UNC5C: variants seen among roughly 807,000 people sequenced by gnomAD.
UNC5C encodes netrin receptor UNC5C.
A neutral mutation model predicts 99.8 loss-of-function variants in UNC5C; 47 were observed. The ratio of observed to expected loss-of-function variants is 0.47; its 90% CI spans 0.37 to 0.60. The LOEUF (loss-of-function observed/expected upper bound fraction) is 0.60. Ranked by LOEUF, UNC5C falls within the 20% of genes least tolerant of loss-of-function variation. The pLI is 0.00. For synonymous variants in UNC5C, 487 were observed against 452.2 expected, an observed-to-expected ratio of 1.08 and a Z score of -0.98; for missense variants, 1,062 against 1,165.9, an observed-to-expected ratio of 0.91 and a Z score of 1.30.
chr4:95,541,860 G>C (rs1207966479), intron 1 of UNC5C, among the ~76,000 whole-genome samples: 1 of 152,114 alleles, frequency 6.6e-6, no homozygotes, highest in East Asian at 1.9e-4. Context: ...TAGAGTTCAG[G>C]CAGTCCATGA....
chr4:95,214,023 C>A (rs1738163453), intron 10 of UNC5C, among the ~76,000 whole-genome samples: 1 of 152,118 alleles, frequency 6.6e-6, no homozygotes, highest in South Asian at 2.1e-4. Flanking sequence ...TTCCCCTGTG[C>A]CTCAGTTTCT....
chr4:95,250,720 C>A, intron 4 of UNC5C, 53 bp from the exon 5 acceptor site: 1 of 1,562,970 alleles, frequency 6.4e-7, no homozygotes, highest in Non-Finnish European at 8.7e-7. Context: ...CCCCTGATGG[C>A]TGTCTGTCCT....
intron 1 of UNC5C, among the ~76,000 whole-genome samples, chr4:95,359,816 AT>A (rs1269329197): frequency 6.6e-6 from 1 of 152,206 alleles, no homozygotes; most frequent in Non-Finnish European, 1.5e-5. Context: ...ATTGAAAAAA[AT>A]ATTTTAAAGA....
intron 7 of UNC5C, among the ~76,000 whole-genome samples, chr4:95,231,353 G>A (rs548164498): frequency 6.6e-6 from 1 of 152,218 alleles, no homozygotes; most frequent in Non-Finnish European, 1.5e-5. Context: ...ATATCTTATG[G>A]GGGTGGCTAG....
At chr4:95,506,277 G>T (rs1350164824) in intron 1 of UNC5C, among the ~76,000 whole-genome samples, 1 of 151,972 alleles carries the variant, frequency 6.6e-6, no homozygotes, top group Non-Finnish European at 1.5e-5. Context: ...AACCAGTTCA[G>T]GGCAATAGTG....
At chr4:95,269,422 G>T (rs1278174940) in intron 4 of UNC5C, among the ~76,000 whole-genome samples, 1 of 152,058 alleles carries the variant, frequency 6.6e-6, no homozygotes, top group African/African-American at 2.4e-5. Flanking sequence ...AGTTCCTGGA[G>T]TAGCACACAC....
chr4:95,417,650 A>G (rs1376486436), intron 1 of UNC5C, among the ~76,000 whole-genome samples: 3 of 152,206 alleles, frequency 2.0e-5, no homozygotes, highest in Non-Finnish European at 4.4e-5. Flanking sequence ...TAAGATGATT[A>G]TGTATGAGGC....
At chr4:95,534,460 C>G (rs1279064836) in intron 1 of UNC5C, among the ~76,000 whole-genome samples, 5 of 151,930 alleles carry the variant, frequency 3.3e-5, no homozygotes, top group African/African-American at 1.2e-4. Flanking sequence ...CACAGTGAAC[C>G]AAAACAAATA....
chr4:95,437,822 T>G (rs1345563201), intron 1 of UNC5C, among the ~76,000 whole-genome samples: 1 of 152,028 alleles, frequency 6.6e-6, no homozygotes, highest in African/African-American at 2.4e-5. Context: ...CTAAGAAAAC[T>G]TTGCTAAATT....
chr4:95,368,816 A>G (rs1353160259), intron 1 of UNC5C, among the ~76,000 whole-genome samples: 4 of 152,220 alleles, frequency 2.6e-5, no homozygotes, highest in African/African-American at 9.6e-5. Context: ...TTGTTATTGC[A>G]AAATATATTC....
At chr4:95,321,919 C>A (rs930703673) in intron 2 of UNC5C, among the ~76,000 whole-genome samples, 1 of 152,164 alleles carries the variant, frequency 6.6e-6, no homozygotes, top group African/African-American at 2.4e-5. Context: ...GGGCCAGCCT[C>A]ATACTGAAAA....
intron 1 of UNC5C, among the ~76,000 whole-genome samples, chr4:95,384,836 T>C (rs1745169929): frequency 6.6e-6 from 1 of 152,032 alleles, no homozygotes; most frequent in African/African-American, 2.4e-5. Flanking sequence ...GGGAACAAAA[T>C]TTAAGATTCT....
chr4:95,318,891 A>G (rs892387937), intron 2 of UNC5C, among the ~76,000 whole-genome samples: 2 of 152,242 alleles, frequency 1.3e-5, no homozygotes, highest in Admixed American at 1.3e-4. Context: ...TAGGACTACC[A>G]AGGGGTTTCA....
chr4:95,329,259 C>T (rs1269523737), intron 2 of UNC5C, among the ~76,000 whole-genome samples: 1 of 152,080 alleles, frequency 6.6e-6, no homozygotes, highest in Admixed American at 6.6e-5. Flanking sequence ...CACTGCATTC[C>T]AGCCTGGAAG....
intron 3 of UNC5C, among the ~76,000 whole-genome samples, chr4:95,292,802 T>C (rs1187722218): frequency 6.6e-6 from 1 of 152,232 alleles, no homozygotes; most frequent in Non-Finnish European, 1.5e-5. Flanking sequence ...GTACTTTCAA[T>C]TTAATTCAAT....
At chr4:95,192,248 T>TTCACCCTCCTTTCCTGC (rs752068843) in intron 12 of UNC5C, among the ~76,000 whole-genome samples, 2 of 121,198 alleles carry the variant, frequency 1.7e-5, no homozygotes, top group Admixed American at 8.4e-5. Flanking sequence ...TCCTCCCCTG[T>TTCACCCTCCTTTCCTGC]TCACCCTCCT....
chr4:95,493,967 G>T (rs1466071148), intron 1 of UNC5C, among the ~76,000 whole-genome samples: 3 of 151,368 alleles, frequency 2.0e-5, no homozygotes, highest in Non-Finnish European at 3.0e-5. Context: ...ATCTGCCAAA[G>T]ATGCCAACTA....
intron 14 of UNC5C, 82 bp downstream of exon 14, chr4:95,182,815 T>G (rs2149350456): frequency 8.8e-4 from 1,274 of 1,441,510 alleles, no homozygotes; most frequent in Non-Finnish European, 1.1e-3. Context: ...TGGACTATGT[T>G]GAGATACCCT....
At chr4:95,394,377 C>A (rs1334443840) in intron 1 of UNC5C, among the ~76,000 whole-genome samples, 4 of 152,114 alleles carry the variant, frequency 2.6e-5, no homozygotes, top group Non-Finnish European at 5.9e-5. Flanking sequence ...TAAAGTGCAT[C>A]TAATTGGAAA....
Sources: allele counts gnomAD v4.1 joint callset (sites outside exome capture counted in the v4.1 genomes callset), GRCh38; gene constraint gnomAD v4.1.1; transcripts MANE v1.5; gene names NCBI Gene and HGNC (gene_info 2026-07-23, HGNC 2026-07-21).